PCED1B: variants seen among roughly 807,000 people sequenced by gnomAD.
The protein encoded by PCED1B is PC-esterase domain-containing protein 1B.
For synonymous variants in PCED1B, 251 were observed against 246.1 expected, an observed-to-expected ratio of 1.02 and a Z score of -0.19; for missense variants, 573 against 573.9, an observed-to-expected ratio of 1.00 and a Z score of 0.02.
Position 47,235,920 on chromosome 12 carries a change from C to G in PCED1B, c.857C>G (p.Pro286Arg). Residue 286 changes from proline (P) to arginine (R), a missense_variant, in exon 4 of 4, where the codon CCG (proline) becomes CGG (arginine). Pro to Arg is a moderately radical substitution (Grantham distance 103). Transcript: ENST00000546455. ...EGPPQANRNH[P>R]ALPLSPPLPS... ...CCGCCCCAGGCCAACAGAAATCACC[C>G]GGCCTTACCTCTGTCCCCACCCTTA... The G allele has an allele frequency of 1.2e-6, 2 of 1,609,218 alleles. No individual in the cohort carries two copies. The highest frequency in any genetic ancestry group is 1.7e-5 in the Admixed American group (1 of 59,040).
chr12:47,225,535 C>T (rs1381499940), intron 3 of PCED1B, among the ~76,000 whole-genome samples: 2 of 152,178 alleles, frequency 1.3e-5, no homozygotes, highest in Non-Finnish European at 2.9e-5. Flanking sequence ...TTTAAATTCA[C>T]TTAGAAAACT....
intron 3 of PCED1B, among the ~76,000 whole-genome samples, chr12:47,232,526 A>C (rs1943839925): frequency 6.6e-6 from 1 of 152,244 alleles, no homozygotes; most frequent in African/African-American, 2.4e-5. Context: ...ATCTATTAAA[A>C]TGTTTACTAA....
At chr12:47,127,288 A>G (rs149824162) in intron 2 of PCED1B, among the ~76,000 whole-genome samples, 4 of 151,562 alleles carry the variant, frequency 2.6e-5, no homozygotes, top group East Asian at 1.9e-4. Flanking sequence ...GATTTCTTCT[A>G]TTACCCAGGG....
At chr12:47,129,983 C>T (rs1330221817) in intron 2 of PCED1B, among the ~76,000 whole-genome samples, 12 of 152,216 alleles carry the variant, frequency 7.9e-5, no homozygotes, top group Non-Finnish European at 1.8e-4. Context: ...AAAGAAGAGA[C>T]TTAGTAGGTA....
chr12:47,169,070 T>C (rs1941635089), intron 2 of PCED1B, among the ~76,000 whole-genome samples: 1 of 152,174 alleles, frequency 6.6e-6, no homozygotes, highest in Non-Finnish European at 1.5e-5. Flanking sequence ...AAGATACAGA[T>C]TAACAAGAGA....
At chr12:47,125,046 G>A (rs1318249570) in intron 2 of PCED1B, among the ~76,000 whole-genome samples, 5 of 152,108 alleles carry the variant, frequency 3.3e-5, no homozygotes, top group East Asian at 1.9e-4. Flanking sequence ...GTTTTGTTGT[G>A]TGGAGGGTAT....
At chr12:47,199,638 TG>T (rs1942706748) in intron 2 of PCED1B, among the ~76,000 whole-genome samples, 2 of 152,230 alleles carry the variant, frequency 1.3e-5, no homozygotes, top group Admixed American at 1.3e-4. Context: ...TTTCAACAAA[TG>T]GTTCTAGAAC....
intron 2 of PCED1B, among the ~76,000 whole-genome samples, chr12:47,108,176 T>C (rs548662221): frequency 5.9e-5 from 9 of 152,264 alleles, no homozygotes; most frequent in African/African-American, 1.9e-4. Context: ...TGAGTAAGCA[T>C]TGCTTTTTCC....
chr12:47,203,554 A>G (rs1942830197), intron 2 of PCED1B, among the ~76,000 whole-genome samples: 1 of 152,176 alleles, frequency 6.6e-6, no homozygotes, highest in African/African-American at 2.4e-5. Context: ...TATAAGTGAG[A>G]ACATGCAATA....
chr12:47,080,926 G>A (rs1268785722), intron 1 of PCED1B, among the ~76,000 whole-genome samples: 2 of 152,134 alleles, frequency 1.3e-5, no homozygotes, highest in African/African-American at 4.8e-5. Context: ...GGAAGTAAGG[G>A]GCGTGTGCGC....
chr12:47,177,590 G>GCCTT (rs1367772320), intron 2 of PCED1B, among the ~76,000 whole-genome samples: 1 of 152,150 alleles, frequency 6.6e-6, no homozygotes, highest in Non-Finnish European at 1.5e-5. Flanking sequence ...TTGTACTGAT[G>GCCTT]CCTTAGTCCA....
At chr12:47,101,999 G>C (rs1297420098) in intron 1 of PCED1B, among the ~76,000 whole-genome samples, 1 of 151,788 alleles carries the variant, frequency 6.6e-6, no homozygotes, top group African/African-American at 2.4e-5. Context: ...ATTTCTAAGA[G>C]AGAACTCAGA....
At chr12:47,173,990 T>C (rs1377572685) in intron 2 of PCED1B, among the ~76,000 whole-genome samples, 1 of 152,098 alleles carries the variant, frequency 6.6e-6, no homozygotes, top group East Asian at 1.9e-4. Context: ...TAATAAATGT[T>C]AGGGAGGGGC....
intron 2 of PCED1B, among the ~76,000 whole-genome samples, chr12:47,186,832 AC>A (rs1942285051): frequency 6.6e-6 from 1 of 152,174 alleles, no homozygotes; most frequent in African/African-American, 2.4e-5. Flanking sequence ...TTAACACAGC[AC>A]AAAATCTTGT....
chr12:47,112,627 C>T (rs542285918), intron 2 of PCED1B, among the ~76,000 whole-genome samples: 3 of 152,214 alleles, frequency 2.0e-5, no homozygotes, highest in East Asian at 1.9e-4. Flanking sequence ...GAGTGTTTGT[C>T]GTAAAAAGCT....
intron 1 of PCED1B, among the ~76,000 whole-genome samples, chr12:47,099,675 T>C (rs1938621995): frequency 1.3e-5 from 2 of 152,200 alleles, no homozygotes; most frequent in East Asian, 1.9e-4. Flanking sequence ...CTGTGAGATC[T>C]CCTAAAACTG....
In PCED1B at chr12:47,200,299, G is replaced by A. The variant is rs960729358; in HGVS notation, c.-525-15923G>A. ...CGGGCAAAAGACCTGAATAGACACCGCACCAAAAGAAGACATACAGATGGC... is the reference window on the plus strand; with the variant it reads ...CGGGCAAAAGACCTGAATAGACACCACACCAAAAGAAGACATACAGATGGC... On this transcript the variant is annotated intron_variant, in intron 2 of 3. Coordinates refer to ENST00000546455, the MANE Select transcript of PCED1B (RefSeq NM_138371.3). 5.3e-5 allele frequency among the ~76,000 whole-genome samples: 8 copies of A among 152,100 alleles called. No homozygotes were observed. The East Asian group carries it at 1.3e-3, about 26-fold the overall frequency.
chr12:47,150,517 G>T (rs1940951021), intron 2 of PCED1B, among the ~76,000 whole-genome samples: 1 of 151,718 alleles, frequency 6.6e-6, no homozygotes. Flanking sequence ...AGCAGAGGTT[G>T]CAGCAAGCCA....
intron 2 of PCED1B, among the ~76,000 whole-genome samples, chr12:47,156,729 ACT>A (rs368953606): frequency 1.4e-4 from 22 of 151,814 alleles, no homozygotes; most frequent in East Asian, 1.4e-3. Flanking sequence ...CTCCGATAAC[ACT>A]CTGTATTTAC....
Sources: gnomAD v4.1 joint callset for allele counts (sites outside exome capture counted in the v4.1 genomes callset) on GRCh38, gnomAD v4.1.1 for gene constraint, MANE v1.5 for transcripts, NCBI Gene and HGNC (gene_info 2026-07-23, HGNC 2026-07-21) for gene names.